The following TENM3 variants were observed in gnomAD, a reference collection of about 807,000 sequenced individuals.
TENM3 encodes teneurin transmembrane protein 3.
Under a neutral mutation model 255.1 loss-of-function variants are expected in TENM3, and 63 were observed. The ratio of observed to expected loss-of-function variants is 0.25; its 90% CI spans 0.20 to 0.30. The LOEUF (loss-of-function observed/expected upper bound fraction) is 0.30. TENM3 is among the 10% of genes least tolerant of loss of function. The probability of loss-of-function intolerance (pLI) is 1.00; values close to 1 mark genes in which losing one functional copy is unlikely to be tolerated. For missense variants in TENM3, 2,929 were observed against 3,461.1 expected, an observed-to-expected ratio of 0.85 and a Z score of 3.86; for synonymous variants, 1,306 against 1,322.3, an observed-to-expected ratio of 0.99 and a Z score of 0.27.
the TENM3 span, among the ~76,000 whole-genome samples, chr4:181,989,857 G>C: frequency 6.6e-6 from 1 of 152,090 alleles, no homozygotes; most frequent in Non-Finnish European, 1.5e-5. Flanking sequence ...TTAAAGAGTA[G>C]GTAGGTCTTA....
the TENM3 span, among the ~76,000 whole-genome samples, chr4:181,696,794 G>C: frequency 2.0e-5 from 3 of 152,118 alleles, no homozygotes; most frequent in Non-Finnish European, 2.9e-5. Context: ...GAGTTACAGG[G>C]GCAGAGATTG....
intron 3 of TENM3, among the ~76,000 whole-genome samples, chr4:182,367,560 C>T (rs1766517889): frequency 1.3e-5 from 2 of 151,878 alleles, no homozygotes; most frequent in South Asian, 4.2e-4. Flanking sequence ...GTTGACAGGG[C>T]TCTGTAATGT....
chr4:182,679,743 C>T lies in TENM3; in HGVS notation c.1404C>T (p.Ala468=), dbSNP rs757209056. 1.9e-5 allele frequency: 30 copies of T among 1,613,726 alleles called. No homozygotes were observed. Among genetic ancestry groups the T allele is most frequent in the Middle Eastern group, 1.7e-4 (1 of 5,964 alleles). Residue 468 remains alanine (A), a synonymous_variant, in exon 8 of 28, where the codon GCC becomes GCT. Coordinates refer to ENST00000511685, the MANE Select transcript of TENM3 (RefSeq NM_001080477.4). The part of the protein sequence containing the change: ...EQRSLLETER[A]GRQARSVSLH... ...GGAGCCTGCTTGAGACGGAGAGAGC[C>T]GGGCGGCAGGCGAGATCCGTCAGCC...
At chr4:182,626,626 G>T (rs991982125) in intron 4 of TENM3, among the ~76,000 whole-genome samples, 4 of 152,178 alleles carry the variant, frequency 2.6e-5, no homozygotes, top group Non-Finnish European at 5.9e-5. Context: ...AGACAGTGTT[G>T]TTTCAGAGCG....
chr4:182,639,434 T>C (rs534596744), intron 5 of TENM3, among the ~76,000 whole-genome samples: 6 of 152,320 alleles, frequency 3.9e-5, no homozygotes, highest in Non-Finnish European at 5.9e-5. Flanking sequence ...TAGCTCTTCT[T>C]CTTCTTCTTT....
At chr4:181,489,588 TA>T in the TENM3 span, among the ~76,000 whole-genome samples, 1 of 152,228 alleles carries the variant, frequency 6.6e-6, no homozygotes, top group East Asian at 1.9e-4. Context: ...TTGTACAAAA[TA>T]TTTGACTACA....
chr4:182,269,483 G>A (rs780777560), intron 1 of TENM3, among the ~76,000 whole-genome samples: 5 of 152,116 alleles, frequency 3.3e-5, no homozygotes, highest in Non-Finnish European at 5.9e-5. Context: ...TTAAGTAGAC[G>A]ATCACTGAGA....
chr4:181,746,050 T>C, the TENM3 span, among the ~76,000 whole-genome samples: 3 of 152,078 alleles, frequency 2.0e-5, no homozygotes, highest in Non-Finnish European at 4.4e-5. Flanking sequence ...TGAAACTGGA[T>C]AAGCAGATAA....
the TENM3 span, among the ~76,000 whole-genome samples, chr4:181,634,916 A>G: frequency 5.9e-5 from 9 of 152,318 alleles, no homozygotes; most frequent in South Asian, 1.7e-3. Context: ...ATACACTTTT[A>G]TGAAAAACAT....
chr4:181,548,319 C>A, the TENM3 span, among the ~76,000 whole-genome samples: 1 of 152,024 alleles, frequency 6.6e-6, no homozygotes, highest in South Asian at 2.1e-4. Context: ...GGGTATATAC[C>A]CAAAGGATTA....
At chr4:182,626,212 A>G (rs1233180729) in intron 4 of TENM3, among the ~76,000 whole-genome samples, 1 of 152,192 alleles carries the variant, frequency 6.6e-6, no homozygotes, top group Middle Eastern at 3.2e-3. Flanking sequence ...TCTAAATGAC[A>G]TAGTCCATCT....
intron 18 of TENM3, among the ~76,000 whole-genome samples, chr4:182,740,315 C>T (rs906343123): frequency 2.6e-5 from 4 of 152,180 alleles, no homozygotes; most frequent in African/African-American, 9.7e-5. Context: ...CTCCAGTGTT[C>T]TCTCAGAGCC....
At chr4:182,506,912 G>C (rs190214560) in intron 3 of TENM3, among the ~76,000 whole-genome samples, 19 of 152,262 alleles carry the variant, frequency 1.2e-4, no homozygotes, top group Non-Finnish European at 2.5e-4. Context: ...CCTGATAGTA[G>C]TGAATATAAG....
the TENM3 span, among the ~76,000 whole-genome samples, chr4:181,541,691 C>G: frequency 6.6e-6 from 1 of 152,220 alleles, no homozygotes. Flanking sequence ...TAACTACGCT[C>G]TTTCCAGGAA....
intron 3 of TENM3, among the ~76,000 whole-genome samples, chr4:182,431,056 C>T (rs1377376795): frequency 5.3e-4 from 64 of 121,408 alleles, no homozygotes; most frequent in African/African-American, 1.8e-3. Flanking sequence ...AACAAACAAA[C>T]AAATAAATAA....
At chr4:181,534,427 TG>T in the TENM3 span, among the ~76,000 whole-genome samples, 1 of 151,828 alleles carries the variant, frequency 6.6e-6, no homozygotes, top group South Asian at 2.1e-4. Context: ...TTGGTGGTCA[TG>T]TTGTCTTTAC....
rs1484171759 is a variant in TENM3, at chr4:182,754,409, C to G, written c.4042C>G (p.Leu1348Val). Residue 1348 changes from leucine (L) to valine (V), a missense_variant, in exon 22 of 28, where the codon CTA becomes GTA. By Grantham distance (32) the Leu-to-Val change is conservative. Around this residue, in one of 6 missense-constraint regions of TENM3, gnomAD observed 1,608 missense variants for 1,884.4 expected, o/e 0.85. Coordinates refer to ENST00000511685, the MANE Select transcript of TENM3 (RefSeq NM_001080477.4). This position sits in a 1 kb window ranked among gnomAD's most constrained non-coding sequence, Gnocchi z 5.1. ...SQVRLEWPTD[L>V]AINPMDNSIY... ...GGTACGTCTGGAATGGCCCACTGAC[C>G]TAGCCATTAACCCTATGGATAACTC... 8 of 1,606,584 alleles carry G rather than the reference C, an allele frequency of 5.0e-6. No homozygotes were observed. In the Admixed American group the frequency reaches 5.1e-5, roughly 10 times the overall value.
intron 2 of TENM3, among the ~76,000 whole-genome samples, chr4:182,325,989 A>G (rs1561323692): frequency 6.6e-6 from 1 of 152,168 alleles, no homozygotes; most frequent in Admixed American, 6.5e-5. Context: ...CGGCGGTAGC[A>G]TTTGTAGAAG....
chr4:182,564,180 GA>G (rs1743516208), intron 3 of TENM3, among the ~76,000 whole-genome samples: 1 of 152,002 alleles, frequency 6.6e-6, no homozygotes, highest in Admixed American at 6.6e-5. Context: ...ACTGCTTTCT[GA>G]GGCAGCTTGT....
Sources: gnomAD v4.1 joint callset for allele counts (sites outside exome capture counted in the v4.1 genomes callset) on GRCh38, gnomAD v4.1.1 for gene constraint, gnomAD v4.1.1 regional missense constraint, Gnocchi (gnomAD v3.1) non-coding constraint, MANE v1.5 for transcripts, NCBI Gene and HGNC (gene_info 2026-07-23, HGNC 2026-07-21) for gene names.